Variants in SLC8B1 observed in about 807,000 individuals in gnomAD.
The protein encoded by SLC8B1 is solute carrier family 8 member B1.
Under a neutral mutation model 63.4 loss-of-function variants are expected in SLC8B1, and 52 were observed. The ratio of observed to expected loss-of-function variants is 0.82; its 90% CI spans 0.66 to 1.03. SLC8B1 has a LOEUF of 1.03. Among genes scored for constraint, SLC8B1 ranks in the 50% least tolerant of loss-of-function variants. SLC8B1 has a pLI of 0.00. For missense variants in SLC8B1, 657 were observed against 741.7 expected (o/e 0.89, Z 1.33); for synonymous variants, 336 against 323.9 (o/e 1.04, Z -0.40).
chr12:113,326,331 C>T (rs1223182453), intron 2 of SLC8B1, among the ~76,000 whole-genome samples: 1 of 152,026 alleles, frequency 6.6e-6, no homozygotes, highest in African/African-American at 2.4e-5. Context: ...CTGTCTAGCT[C>T]TTATTCTATT....
intron 11 of SLC8B1, among the ~76,000 whole-genome samples, chr12:113,313,719 A>G (rs939406945): frequency 2.0e-5 from 3 of 152,098 alleles, no homozygotes; most frequent in African/African-American, 7.2e-5. Context: ...AGCGTGGGTG[A>G]CAGAGTGAGA....
chr12:113,328,801 G>A (rs1957025871), intron 2 of SLC8B1, among the ~76,000 whole-genome samples: 1 of 151,026 alleles, frequency 6.6e-6, no homozygotes, highest in African/African-American at 2.4e-5. Context: ...GCCCAGGCAG[G>A]AGGGCAGTGG....
intron 11 of SLC8B1, among the ~76,000 whole-genome samples, chr12:113,312,775 T>C (rs760579142): frequency 1.1e-4 from 17 of 152,244 alleles, no homozygotes; most frequent in Non-Finnish European, 2.4e-4. Context: ...AGTTCTATCA[T>C]TGTATCAAGG....
intron 7 of SLC8B1, chr12:113,319,297 G>A: frequency 2.1e-6 from 1 of 487,438 alleles, no homozygotes; most frequent in South Asian, 2.0e-5. Flanking sequence ...TAATACCCAA[G>A]CACAGCGAGA....
chr12:113,327,366 C>A (rs1002498640), intron 2 of SLC8B1, among the ~76,000 whole-genome samples: 1 of 152,116 alleles, frequency 6.6e-6, no homozygotes, highest in Non-Finnish European at 1.5e-5. Context: ...CCTCAGTGTT[C>A]TCCTCTGAAC....
chr12:113,317,863 T>C (rs1192743621), intron 8 of SLC8B1, among the ~76,000 whole-genome samples: 1 of 152,162 alleles, frequency 6.6e-6, no homozygotes, highest in Non-Finnish European at 1.5e-5. Flanking sequence ...TGTATGTGTA[T>C]GCTGCATGTT....
At chr12:113,333,384 C>G (rs1957083627) in intron 1 of SLC8B1, among the ~76,000 whole-genome samples, 1 of 152,230 alleles carries the variant, frequency 6.6e-6, no homozygotes, top group African/African-American at 2.4e-5. Flanking sequence ...GACTTGGCCT[C>G]TGGGCCACCA....
chr12:113,324,248 G>A (rs1026107684), intron 2 of SLC8B1, among the ~76,000 whole-genome samples: 2 of 151,752 alleles, frequency 1.3e-5, no homozygotes, highest in Non-Finnish European at 2.9e-5. Flanking sequence ...GGGAGGTTGA[G>A]GCTGCAGTGA....
At chr12:113,319,224 C>T (rs1956886164) in intron 7 of SLC8B1, 153 bp from the exon 8 acceptor site, 1 of 617,066 alleles carries the variant, frequency 1.6e-6, no homozygotes, top group African/African-American at 1.8e-5. Context: ...CCTTGAGCTC[C>T]CCACTCCTTC....
chr12:113,306,406 A>T (rs1469301951), intron 14 of SLC8B1, 89 bp downstream of exon 14: 3 of 1,178,212 alleles, frequency 2.5e-6, no homozygotes, highest in South Asian at 1.7e-5. Context: ...TGTTACACCG[A>T]GAACCAATCC....
intron 11 of SLC8B1, among the ~76,000 whole-genome samples, chr12:113,314,089 T>C (rs911658722): frequency 6.6e-6 from 1 of 152,258 alleles, no homozygotes; most frequent in South Asian, 2.1e-4. Context: ...GGATTTGCCC[T>C]GGCCTGAAAG....
intron 8 of SLC8B1, 43 bp downstream of exon 8, chr12:113,318,921 C>T (rs781242390): frequency 9.8e-6 from 15 of 1,524,554 alleles, no homozygotes; most frequent in African/African-American, 1.4e-5. Context: ...CAGAGGCCCC[C>T]AGTCCCCACT....
chr12:113,312,173 C>A (rs1262608321), intron 11 of SLC8B1, among the ~76,000 whole-genome samples: 2 of 152,046 alleles, frequency 1.3e-5, no homozygotes, highest in East Asian at 3.9e-4. Context: ...GTGGCTCACA[C>A]CTATAATCCC....
Position 113,331,386 on chromosome 12 carries a change from G to GA in SLC8B1, c.156+1336dup, listed in dbSNP as rs752575330. 9.7e-3 allele frequency among the ~76,000 whole-genome samples: 832 copies of GA among 85,578 alleles called. 6 individuals are homozygous for GA. Among genetic ancestry groups the GA allele is most frequent in the African/African-American group, 0.018 (435 of 23,674 alleles). The allele number at this position is 85,578 out of a possible 152,430, so 56.1% of individuals were successfully genotyped here. Reference sequence around the variant, plus strand: ...CTGGGTATAGAGTGAGACTGTTCTCGAAAAAAAAAAAAAAAAAAAAAATTG... The same window carrying GA: ...CTGGGTATAGAGTGAGACTGTTCTCGAAAAAAAAAAAAAAAAAAAAAAATTG... On this transcript the variant is annotated intron_variant, in intron 2 of 15. Transcript: ENST00000680972.
intron 13 of SLC8B1, 63 bp downstream of exon 13, chr12:113,307,628 G>A: frequency 2.6e-6 from 4 of 1,562,782 alleles, no homozygotes; most frequent in South Asian, 1.2e-5. Flanking sequence ...TCTGGCTGGG[G>A]GAGGAAAGAG....
intron 12 of SLC8B1, 183 bp from the exon 13 acceptor site, chr12:113,308,027 A>G: frequency 5.8e-6 from 4 of 688,006 alleles, no homozygotes; most frequent in Non-Finnish European, 8.9e-6. Context: ...CGTGAGTTCA[A>G]TATTATTTTC....
intron 8 of SLC8B1, among the ~76,000 whole-genome samples, chr12:113,318,218 T>C (rs1333427039): frequency 1.3e-5 from 2 of 152,022 alleles, no homozygotes; most frequent in Non-Finnish European, 2.9e-5. Context: ...TTCATATATG[T>C]GTTGTATGTA....
chr12:113,331,957 G>A (rs7962389), intron 2 of SLC8B1, among the ~76,000 whole-genome samples: 27,661 of 151,900 alleles, frequency 0.18, 2,907 homozygotes, highest in African/African-American at 0.3. Flanking sequence ...TCCTCTCTTA[G>A]CATTCTTCCC....
chr12:113,321,291 G>A lies in SLC8B1; in HGVS notation c.214C>T (p.Pro72Ser), dbSNP rs1956925152. The change falls in exon 3 of 16, where the codon CCT becomes TCT. Residue 72 changes from proline to serine, a missense_variant. By Grantham distance (74) the Pro-to-Ser change is moderately conservative (BLOSUM62 -1). Coordinates refer to ENST00000680972, the MANE Select transcript of SLC8B1 (RefSeq NM_001358345.2). ...TACCCCCCATCACTGTGGCAGTCAGGGTTGGTCCGGATGAAGTCACAGCGG... is the reference window on the plus strand; with the variant it reads ...TACCCCCCATCACTGTGGCAGTCAGAGTTGGTCCGGATGAAGTCACAGCGG... ...SDRCDFIRTN[P>S]DCHSDGGYLD... 6.2e-7 allele frequency: 1 copy of A among 1,614,132 alleles called. No homozygotes were observed. The highest frequency in any genetic ancestry group is 8.5e-7 in the Non-Finnish European group (1 of 1,180,036).
Sources: allele counts gnomAD v4.1 joint callset (sites outside exome capture counted in the v4.1 genomes callset), GRCh38; gene constraint gnomAD v4.1.1; transcripts MANE v1.5; gene names NCBI Gene and HGNC (gene_info 2026-07-23, HGNC 2026-07-21).